The following TENM2 variants were observed in gnomAD, a reference collection of about 807,000 sequenced individuals.
TENM2 encodes the protein teneurin-2.
In TENM2, 52 loss-of-function variants were observed where a neutral mutation model predicts 245.2. The observed-to-expected ratio is 0.21, with a 90% confidence interval of 0.17 to 0.27. The LOEUF is 0.27. Ranked by LOEUF, TENM2 falls within the 10% of genes least tolerant of loss-of-function variation. TENM2 has a pLI of 1.00. For missense variants in TENM2, 3,046 were observed against 3,666.8 expected (o/e 0.83, Z 4.37); for synonymous variants, 1,363 against 1,438.9 (o/e 0.95, Z 1.19).
the TENM2 span, among the ~76,000 whole-genome samples, chr5:167,056,433 T>G: frequency 6.8e-6 from 1 of 146,884 alleles, no homozygotes; most frequent in South Asian, 2.1e-4. Flanking sequence ...GATGTAAATC[T>G]TACCTTTGTC....
At chr5:168,241,709 G>A (rs910359678) in intron 25 of TENM2, among the ~76,000 whole-genome samples, 5 of 152,098 alleles carry the variant, frequency 3.3e-5, no homozygotes, top group African/African-American at 1.2e-4. Context: ...GACTCCTGTA[G>A]ACCTCAGTTG....
chr5:168,090,829 T>G (rs1218363249), intron 8 of TENM2, 60 bp downstream of exon 10: 1 of 1,458,638 alleles, frequency 6.9e-7, no homozygotes, highest in Non-Finnish European at 9.5e-7. Flanking sequence ...GTTCTGGGCT[T>G]CTCTGCAGAA....
intron 2 of TENM2, among the ~76,000 whole-genome samples, chr5:167,587,446 G>A (rs1377231052): frequency 6.6e-6 from 1 of 152,144 alleles, no homozygotes; most frequent in Non-Finnish European, 1.5e-5. Flanking sequence ...CTTCATTCAA[G>A]ATCATTTATA....
chr5:167,578,602 A>G (rs963796542), intron 2 of TENM2, among the ~76,000 whole-genome samples: 6 of 152,142 alleles, frequency 3.9e-5, no homozygotes, highest in Non-Finnish European at 8.8e-5. Flanking sequence ...CAGTATAATC[A>G]ATTAGTGTTA....
chr5:167,497,078 G>A (rs1388660626), intron 2 of TENM2, among the ~76,000 whole-genome samples: 1 of 151,844 alleles, frequency 6.6e-6, no homozygotes, highest in Non-Finnish European at 1.5e-5. Context: ...GTTTTTCTCT[G>A]GCTAAATGGA....
intron 1 of TENM2, among the ~76,000 whole-genome samples, chr5:167,317,356 G>A (rs1364223127): frequency 1.3e-5 from 2 of 151,962 alleles, no homozygotes; most frequent in African/African-American, 4.8e-5. Flanking sequence ...CTCTGTGGCG[G>A]TTACATATCT....
intron 1 of TENM2, among the ~76,000 whole-genome samples, chr5:167,298,337 C>T (rs1267364263): frequency 1.3e-5 from 2 of 152,328 alleles, no homozygotes; most frequent in Admixed American, 6.5e-5. Flanking sequence ...GGTGCGGTGG[C>T]TCACGCCTGT....
intron 2 of TENM2, among the ~76,000 whole-genome samples, chr5:167,617,713 A>G (rs1256622971): frequency 1.3e-5 from 2 of 152,172 alleles, no homozygotes; most frequent in South Asian, 2.1e-4. Context: ...GCCTAATGCT[A>G]TGCTTTAAAC....
the TENM2 span, among the ~76,000 whole-genome samples, chr5:167,102,761 C>T: frequency 0.026 from 4,023 of 152,326 alleles, 186 homozygotes; most frequent in African/African-American, 0.092. Context: ...CAGGTTCATG[C>T]GATTTTCCTG....
chr5:168,167,483 C>T (rs1425937205), intron 13 of TENM2, among the ~76,000 whole-genome samples: 1 of 152,158 alleles, frequency 6.6e-6, no homozygotes, highest in East Asian at 1.9e-4. Flanking sequence ...GATGCTTTCT[C>T]CCATCTGTGG....
chr5:167,007,609 A>C, the TENM2 span, among the ~76,000 whole-genome samples: 14 of 152,280 alleles, frequency 9.2e-5, no homozygotes, highest in Admixed American at 9.2e-4. The surrounding 1 kb of genome is among the most constrained non-coding windows in gnomAD (Gnocchi z 4.2). Context: ...TTGAACACAT[A>C]AATAATTAAA....
chr5:167,486,121 C>T (rs147704933), intron 2 of TENM2, among the ~76,000 whole-genome samples: 2 of 152,024 alleles, frequency 1.3e-5, no homozygotes, highest in Non-Finnish European at 2.9e-5. Context: ...TCACAGAGAG[C>T]CTGTTCCAAC....
intron 27 of TENM2, among the ~76,000 whole-genome samples, chr5:168,250,172 G>A (rs1228328723): frequency 7.0e-6 from 1 of 143,268 alleles, no homozygotes; most frequent in Non-Finnish European, 1.5e-5. Context: ...GGATGGATGG[G>A]TAAATAGATG....
At chr5:167,286,012 CAG>C (rs1771322573) in intron 1 of TENM2, among the ~76,000 whole-genome samples, 1 of 152,170 alleles carries the variant, frequency 6.6e-6, no homozygotes, top group Admixed American at 6.5e-5. Context: ...CCTGGTTTCT[CAG>C]CTTCCTTAAA....
chr5:168,248,162 T>C, exon 27 of TENM2: 1 of 1,613,978 alleles, frequency 6.2e-7, no homozygotes, highest in Non-Finnish European at 8.5e-7. Context: ...TTCCAGATGG[T>C]CATTGGCTTC....
At chr5:167,952,996 T>C (rs1780240224) in intron 4 of TENM2, among the ~76,000 whole-genome samples, 174 bp downstream of exon 6, 1 of 152,186 alleles carries the variant, frequency 6.6e-6, no homozygotes, top group South Asian at 2.1e-4. Context: ...GACAGTAGGT[T>C]GACAGGTATT....
At chr5:167,908,649 C>A (rs1337475138) in intron 3 of TENM2, among the ~76,000 whole-genome samples, 1 of 127,704 alleles carries the variant, frequency 7.8e-6, no homozygotes, top group Non-Finnish European at 1.6e-5. Context: ...CTCCTCTCTT[C>A]CCCTCTTTGC....
At chr5:167,277,317 T>G in the TENM2 span, among the ~76,000 whole-genome samples, 1 of 152,172 alleles carries the variant, frequency 6.6e-6, no homozygotes, top group Admixed American at 6.5e-5. Flanking sequence ...AGTTTCATTT[T>G]TATTCACTTT....
chr5:167,668,547 T>A (rs921599446), intron 2 of TENM2, among the ~76,000 whole-genome samples: 1 of 152,200 alleles, frequency 6.6e-6, no homozygotes, highest in Non-Finnish European at 1.5e-5. Context: ...CCTGGCTACT[T>A]AGGAATCAAC....
Sources: allele counts gnomAD v4.1 joint callset (sites outside exome capture counted in the v4.1 genomes callset), GRCh38; gene constraint gnomAD v4.1.1; non-coding constraint Gnocchi (gnomAD v3.1); transcripts MANE v1.5; gene names NCBI Gene and HGNC (gene_info 2026-07-23, HGNC 2026-07-21).